Variants in DNAJA1 observed in about 807,000 individuals in gnomAD.
DNAJA1 encodes DnaJ heat shock protein family (Hsp40) member A1, also known as dnaJ homolog subfamily A member 1.
A neutral mutation model predicts 47.6 loss-of-function variants in DNAJA1; 26 were observed. The observed-to-expected ratio is 0.55, with a 90% confidence interval of 0.40 to 0.76. The LOEUF (loss-of-function observed/expected upper bound fraction) is 0.76. Ranked by LOEUF, DNAJA1 falls within the 30% of genes least tolerant of loss-of-function variation. The pLI, the probability that DNAJA1 is intolerant of heterozygous loss-of-function variation, is 0.00. For missense variants in DNAJA1, 315 were observed against 485.0 expected (o/e 0.65, Z 3.29); for synonymous variants, 165 against 158.4 (o/e 1.04, Z -0.31).
intron 1 of DNAJA1, among the ~76,000 whole-genome samples, chr9:33,025,653 G>A (rs1333509228): frequency 1.3e-5 from 2 of 151,272 alleles, no homozygotes; most frequent in Admixed American, 1.3e-4. Flanking sequence ...CTGCCCCTCC[G>A]TGCGCGCCCC....
At chr9:33,026,013 T>A (rs532364676) in intron 1 of DNAJA1, among the ~76,000 whole-genome samples, 4 of 152,280 alleles carry the variant, frequency 2.6e-5, no homozygotes, top group African/African-American at 9.6e-5. Context: ...GTGGAGCCAG[T>A]AACCTGTTCT....
intron 3 of DNAJA1, among the ~76,000 whole-genome samples, chr9:33,029,675 C>A (rs1838930321): frequency 6.6e-6 from 1 of 152,222 alleles, no homozygotes; most frequent in South Asian, 2.1e-4. Flanking sequence ...TATTTAATCT[C>A]TGACCTGATT....
intron 8 of DNAJA1, 48 bp from the exon 9 acceptor site, chr9:33,038,633 CTAAG>C (rs1481865254): frequency 6.5e-7 from 1 of 1,546,182 alleles, no homozygotes; most frequent in Admixed American, 1.7e-5. Flanking sequence ...CCATGATACT[CTAAG>C]GGAGCTAATG....
chr9:33,039,561 A>ATATATATATATATATATATATATATATAT lies in DNAJA1; in HGVS notation c.*658_*659insTATATATATATATATATATATATATATAT, dbSNP rs74178844. 5.2e-4 allele frequency: 74 copies of ATATATATATATATATATATATATATATAT among 142,068 alleles called. No individual in the cohort carries two copies. The highest frequency in any genetic ancestry group is 9.2e-4 in the Non-Finnish European group (58 of 62,866). 8.8% of individuals were successfully genotyped at this position (142,068 alleles called of 1,614,324 possible). On this transcript the variant is annotated 3_prime_UTR_variant, in exon 9 of 9. Transcript: ENST00000330899. ...CATATATATATACATATATATATAT[A>ATATATATATATATATATATATATATATAT]ATCTTGACCAGTCCTGGTCATTTGC...
At chr9:33,032,376 C>T (rs1838974769) in intron 5 of DNAJA1, among the ~76,000 whole-genome samples, 1 of 152,242 alleles carries the variant, frequency 6.6e-6, no homozygotes. Context: ...ATACCAATAG[C>T]ATACAGAGTA....
At chr9:33,037,172 TAAA>T (rs761729873) in intron 8 of DNAJA1, 57 bp downstream of exon 8, 70 of 1,517,964 alleles carry the variant, frequency 4.6e-5, no homozygotes, top group Non-Finnish European at 5.9e-5. Context: ...TAAAATCTGA[TAAA>T]AAAGTAAAAT....
chr9:33,037,188 C>T, intron 8 of DNAJA1, 73 bp downstream of exon 8: 2 of 1,352,480 alleles, frequency 1.5e-6, no homozygotes, highest in African/African-American at 2.9e-5. Context: ...AGTAAAATTT[C>T]AGCCAGGTGC....
chr9:33,027,793 C>A (rs1217784839), intron 3 of DNAJA1, among the ~76,000 whole-genome samples: 1 of 151,630 alleles, frequency 6.6e-6, no homozygotes, highest in East Asian at 2.0e-4. Flanking sequence ...GAGGTTGCAG[C>A]GAACGGAGGT....
chr9:33,037,228 T>C, intron 8 of DNAJA1, 113 bp downstream of exon 8: 1 of 806,458 alleles, frequency 1.2e-6, no homozygotes, highest in South Asian at 1.8e-5. Flanking sequence ...TCCCCGCATT[T>C]TGAGAGGCTG....
At position 33,036,605 on chromosome 9, in the gene DNAJA1, A is replaced by G. The variant is rs774814573; in HGVS notation, c.790A>G (p.Ile264Val). Residue 264 changes from isoleucine to valine, a missense_variant, in exon 7 of 9, where the codon ATA becomes GTA. By Grantham distance (29) the Ile-to-Val change is conservative. Transcript: ENST00000330899. ...AGAAGACCTTTTCATGTGTATGGAC[A>G]TACAGCTCGTTGAAGCACTGTGTGG... ...RGEDLFMCMD[I>V]QLVEALCGFQ... 28 of 1,613,710 alleles carry G rather than the reference A, an allele frequency of 1.7e-5. No homozygotes were observed. Among genetic ancestry groups the G allele is most frequent in the Non-Finnish European group, 2.3e-5 (27 of 1,179,850 alleles).
chr9:33,030,722 TAAC>T, intron 5 of DNAJA1, 55 bp downstream of exon 5: 2 of 1,381,354 alleles, frequency 1.4e-6, no homozygotes, highest in South Asian at 2.6e-5. Flanking sequence ...GATTTATTAT[TAAC>T]ATTTTATAAT....
At chr9:33,025,441 A>C (rs1838790007) in intron 1 of DNAJA1, 58 bp downstream of exon 1, 1 of 152,618 alleles carries the variant, frequency 6.6e-6, no homozygotes, top group Admixed American at 6.5e-5. Flanking sequence ...TGGCGCCGGG[A>C]AACCGATGGA....
intron 1 of DNAJA1, among the ~76,000 whole-genome samples, chr9:33,025,839 G>A (rs1269482237): frequency 6.6e-6 from 1 of 152,202 alleles, no homozygotes; most frequent in African/African-American, 2.4e-5. Flanking sequence ...TGAGGGCTGG[G>A]CTTTCCCCAC....
chr9:33,032,400 T>C (rs1481096111), intron 5 of DNAJA1, among the ~76,000 whole-genome samples: 1 of 152,248 alleles, frequency 6.6e-6, no homozygotes, highest in African/African-American at 2.4e-5. Context: ...CTTAACGTTG[T>C]TGATAGGTTC....
intron 1 of DNAJA1, among the ~76,000 whole-genome samples, chr9:33,025,848 A>G (rs906719578): frequency 6.6e-6 from 1 of 152,048 alleles, no homozygotes. Flanking sequence ...GGCTTTCCCC[A>G]CCGCCACTTG....
chr9:33,037,930 G>T (rs1375590366), intron 8 of DNAJA1, among the ~76,000 whole-genome samples: 1 of 151,806 alleles, frequency 6.6e-6, no homozygotes, highest in African/African-American at 2.4e-5. Flanking sequence ...TTGTTAATAG[G>T]TATAAAGCAA....
chr9:33,038,529 T>C (rs1027806488), intron 8 of DNAJA1, among the ~76,000 whole-genome samples, 156 bp from the exon 9 acceptor site: 8 of 152,214 alleles, frequency 5.3e-5, no homozygotes, highest in African/African-American at 1.9e-4. Context: ...GAGTGTGCTA[T>C]GCACTGTGCC....
intron 1 of DNAJA1, among the ~76,000 whole-genome samples, chr9:33,026,071 A>C (rs1339045009): frequency 6.6e-6 from 1 of 152,138 alleles, no homozygotes; most frequent in Admixed American, 6.5e-5. Flanking sequence ...CTTTTTCTGG[A>C]GAGTATATGG....
chr9:33,027,119 C>A, intron 3 of DNAJA1, 129 bp downstream of exon 3: 3 of 1,129,346 alleles, frequency 2.7e-6, no homozygotes, highest in South Asian at 3.0e-5. Flanking sequence ...CCACAAATTG[C>A]CTCTGATTTA....
Sources: allele counts gnomAD v4.1 joint callset (sites outside exome capture counted in the v4.1 genomes callset), GRCh38; gene constraint gnomAD v4.1.1; transcripts MANE v1.5; gene names NCBI Gene and HGNC (gene_info 2026-07-23, HGNC 2026-07-21).